The following ROBO2 variants were observed in gnomAD, a reference collection of about 807,000 sequenced individuals.
The protein encoded by ROBO2 is roundabout homolog 2.
In ROBO2, 53 loss-of-function variants were observed where a neutral mutation model predicts 160.8. The observed-to-expected ratio is 0.33, with a 90% CI of 0.26 to 0.41. The LOEUF is 0.41. Ranked by LOEUF, ROBO2 falls within the 10% of genes least tolerant of loss-of-function variation. The pLI is 1.00. For synonymous variants in ROBO2, 664 were observed against 611.7 expected, an observed-to-expected ratio of 1.09 and a Z score of -1.26; for missense variants, 1,577 against 1,722.4, an observed-to-expected ratio of 0.92 and a Z score of 1.49.
chr3:75,909,361 A>G (rs1946471976), intron 1 of ROBO2, among the ~76,000 whole-genome samples: 1 of 152,182 alleles, frequency 6.6e-6, no homozygotes, highest in Non-Finnish European at 1.5e-5. Context: ...GTATAAGGAG[A>G]AGTTAAACAA....
chr3:76,588,399 T>G (rs1226635602), intron 2 of ROBO2, among the ~76,000 whole-genome samples: 1 of 152,202 alleles, frequency 6.6e-6, no homozygotes, highest in African/African-American at 2.4e-5. Flanking sequence ...ATTTTAATGT[T>G]CACATTAGTA....
intron 2 of ROBO2, among the ~76,000 whole-genome samples, chr3:76,748,335 T>C (rs2093926271): frequency 6.6e-6 from 1 of 151,716 alleles, no homozygotes; most frequent in Non-Finnish European, 1.5e-5. Flanking sequence ...AAGTAATGAT[T>C]AATATTATAT....
At chr3:76,601,592 G>A (rs994538169) in intron 2 of ROBO2, among the ~76,000 whole-genome samples, 2 of 152,152 alleles carry the variant, frequency 1.3e-5, no homozygotes, top group Non-Finnish European at 1.5e-5. Context: ...TTTTAGTCAC[G>A]GCCGGAGTGG....
At chr3:76,801,161 AC>A (rs1272427250) in intron 2 of ROBO2, among the ~76,000 whole-genome samples, 1 of 152,188 alleles carries the variant, frequency 6.6e-6, no homozygotes, top group East Asian at 1.9e-4. Flanking sequence ...AGAAAGACAA[AC>A]TTTGCATGTT....
intron 2 of ROBO2, among the ~76,000 whole-genome samples, chr3:76,836,497 A>G (rs897975188): frequency 1.3e-5 from 2 of 150,948 alleles, no homozygotes; most frequent in African/African-American, 2.4e-5. Flanking sequence ...AAAATATGGA[A>G]TTTGTTTTCA....
chr3:77,365,902 A>C (rs987989004), intron 2 of ROBO2, among the ~76,000 whole-genome samples: 1 of 152,192 alleles, frequency 6.6e-6, no homozygotes, highest in African/African-American at 2.4e-5. Flanking sequence ...TTGACTAGCA[A>C]AATTTTAAAT....
intron 1 of ROBO2, among the ~76,000 whole-genome samples, chr3:77,075,938 A>G (rs2067951924): frequency 6.6e-6 from 1 of 151,902 alleles, no homozygotes; most frequent in Admixed American, 6.6e-5. Context: ...TCGGCCTCCC[A>G]AAGTGCTGGG....
At chr3:77,495,125 C>T (rs1373715402) in intron 5 of ROBO2, among the ~76,000 whole-genome samples, 1 of 152,068 alleles carries the variant, frequency 6.6e-6, no homozygotes, top group African/African-American at 2.4e-5. Flanking sequence ...AATTTGAGAG[C>T]ATGTAGTGAA....
intron 2 of ROBO2, among the ~76,000 whole-genome samples, chr3:76,766,002 A>G (rs2061560706): frequency 6.6e-6 from 1 of 151,736 alleles, no homozygotes; most frequent in Non-Finnish European, 1.5e-5. Context: ...TTAGATCTCA[A>G]TTAATCATTT....
At chr3:77,014,334 C>T (rs1449347821) in intron 2 of ROBO2, among the ~76,000 whole-genome samples, 1 of 152,156 alleles carries the variant, frequency 6.6e-6, no homozygotes, top group Non-Finnish European at 1.5e-5. Flanking sequence ...AATTTGTCCA[C>T]TAGAAGACCC....
At chr3:76,191,629 T>C (rs563949363) in intron 2 of ROBO2, among the ~76,000 whole-genome samples, 1 of 152,174 alleles carries the variant, frequency 6.6e-6, no homozygotes, top group African/African-American at 2.4e-5. Flanking sequence ...ATTAATTTCC[T>C]GCTTTGATTT....
chr3:76,399,329 A>T (rs1372413305), intron 2 of ROBO2, among the ~76,000 whole-genome samples: 1 of 151,688 alleles, frequency 6.6e-6, no homozygotes, highest in South Asian at 2.1e-4. Flanking sequence ...GTTCTTTATG[A>T]CAGCACCTAG....
chr3:76,920,227 G>T (rs546265065), intron 2 of ROBO2, among the ~76,000 whole-genome samples: 1 of 152,012 alleles, frequency 6.6e-6, no homozygotes, highest in African/African-American at 2.4e-5. Flanking sequence ...AGTATTGAAA[G>T]AGAAAATAAA....
chr3:77,233,794 G>T (rs2087555296), intron 2 of ROBO2, among the ~76,000 whole-genome samples: 1 of 151,948 alleles, frequency 6.6e-6, no homozygotes, highest in South Asian at 2.1e-4. Context: ...CTTATATCTG[G>T]TTTTCGCTCA....
chr3:76,023,818 A>G (rs1305558803), intron 2 of ROBO2, among the ~76,000 whole-genome samples: 3 of 151,570 alleles, frequency 2.0e-5, no homozygotes, highest in Non-Finnish European at 4.4e-5. Context: ...CAGGCTGGCC[A>G]CAAACCTTCA....
intron 2 of ROBO2, among the ~76,000 whole-genome samples, chr3:75,998,374 A>G (rs771535795): frequency 5.3e-5 from 8 of 152,158 alleles, no homozygotes; most frequent in African/African-American, 1.7e-4. Context: ...GTTGTGACCA[A>G]TCAGGGTTTT....
chr3:76,748,622 C>G (rs2093931017), intron 2 of ROBO2, among the ~76,000 whole-genome samples: 1 of 151,678 alleles, frequency 6.6e-6, no homozygotes, highest in South Asian at 2.1e-4. Context: ...TTAAATGGGA[C>G]TTAAAGACAA....
chr3:76,264,375 A>G (rs1225722863), intron 2 of ROBO2, among the ~76,000 whole-genome samples: 1 of 151,382 alleles, frequency 6.6e-6, no homozygotes, highest in Non-Finnish European at 1.5e-5. Flanking sequence ...CTTCCATAAC[A>G]CAATAAAACT....
intron 2 of ROBO2, among the ~76,000 whole-genome samples, chr3:76,069,298 A>T (rs1216848037): frequency 1.3e-5 from 2 of 152,124 alleles, no homozygotes; most frequent in Non-Finnish European, 2.9e-5. Context: ...TTATTCTTCG[A>T]TTATTTAAAC....
Sources: gnomAD v4.1 joint callset for allele counts (sites outside exome capture counted in the v4.1 genomes callset) on GRCh38, gnomAD v4.1.1 for gene constraint, MANE v1.5 for transcripts, NCBI Gene and HGNC (gene_info 2026-07-23, HGNC 2026-07-21) for gene names.